Variants in MRGPRF observed in about 807,000 individuals in gnomAD.
The protein encoded by MRGPRF is mas-related G protein-coupled receptor member F.
Under a neutral mutation model 3.3 loss-of-function variants are expected in MRGPRF, and 2 were observed. The ratio of observed to expected loss-of-function variants is 0.61; its 90% CI spans 0.25 to 1.92. The LOEUF is 1.92. MRGPRF is among the 40% of genes most tolerant of loss of function. The probability of loss-of-function intolerance (pLI) is 0.16; values close to 1 mark genes in which losing one functional copy is unlikely to be tolerated. For missense variants in MRGPRF, 500 were observed against 476.0 expected (o/e 1.05, Z -0.47); for synonymous variants, 242 against 222.7 (o/e 1.09, Z -0.77).
chr11:69,008,911 GC>G (rs1376979745), intron 2 of MRGPRF, among the ~76,000 whole-genome samples: 2 of 152,230 alleles, frequency 1.3e-5, no homozygotes, highest in Non-Finnish European at 2.9e-5. Context: ...AGAGGGGGAG[GC>G]CGGGTGAGTC....
rs960415362 is a variant in MRGPRF, at chr11:69,009,825, G to C, written c.48+29C>G. The C allele has an allele frequency of 6.4e-6, 10 of 1,572,354 alleles. No individual in the cohort carries two copies. The African/African-American group carries it at 9.4e-5, about 15-fold the overall frequency. On this transcript the variant is annotated intron_variant, in intron 2 of 2. Coordinates refer to ENST00000309099, the MANE Select transcript of MRGPRF (RefSeq NM_145015.5). ...CTCCCACCCACACCCGTCTGGGCAA[G>C]ACCAGGGCCCTCCGCCTGTGGCACT...
At chr11:69,009,134 G>A (rs1004247755) in intron 2 of MRGPRF, among the ~76,000 whole-genome samples, 2 of 152,222 alleles carry the variant, frequency 1.3e-5, no homozygotes, top group African/African-American at 4.8e-5. Context: ...AGGGCGTGGG[G>A]GTGAGATCCC....
In MRGPRF at chr11:69,005,005, G is replaced by A. The variant is rs894247832; in HGVS notation, c.*273C>T. 2.4e-6 allele frequency: 1 copy of A among 417,206 alleles called. No individual in the cohort carries two copies. Among genetic ancestry groups the A allele is most frequent in the African/African-American group, 2.1e-5 (1 of 48,482 alleles). The allele number at this position is 417,206 out of a possible 1,614,324, so 25.8% of individuals were successfully genotyped here. ...ACCAACCAGCCTAGGGCAAGGAGGG[G>A]CCCCACCACCTGGGGGCAACTTCTG... On this transcript the variant is annotated 3_prime_UTR_variant, in exon 3 of 3. Coordinates refer to ENST00000309099, the MANE Select transcript of MRGPRF (RefSeq NM_145015.5).
intron 2 of MRGPRF, among the ~76,000 whole-genome samples, chr11:69,006,791 T>A (rs1860500972): frequency 6.6e-6 from 1 of 151,920 alleles, no homozygotes; most frequent in South Asian, 2.1e-4. Flanking sequence ...GCCCGGCTAA[T>A]TTTTGTATTT....
rs1007221994 is a variant in MRGPRF at position 69,005,622 on chromosome 11, G to C, written c.688C>G (p.Arg230Gly). The change falls in exon 3 of 3, where the codon CGG becomes GGG. Residue 230 changes from arginine (R) to glycine (G), a missense_variant. Physicochemically the swap from Arg to Gly is moderately radical, Grantham distance 125. Coordinates refer to ENST00000309099, the MANE Select transcript of MRGPRF (RefSeq NM_145015.5). ...TTGAGCTTGGCAGAGCGCTGGCGCCGTCGGGCCCGGCACTCCACGTGCAGG... is the reference window on the plus strand; with the variant it reads ...TTGAGCTTGGCAGAGCGCTGGCGCCCTCGGGCCCGGCACTCCACGTGCAGG... ...LILHVECRAR[R>G]RQRSAKLNHV... 6.4e-7 allele frequency: 1 copy of C among 1,558,332 alleles called. No homozygotes were observed. Among genetic ancestry groups the C allele is most frequent in the Non-Finnish European group, 8.7e-7 (1 of 1,151,476 alleles).
chr11:69,006,759 G>T (rs917532874), intron 2 of MRGPRF, among the ~76,000 whole-genome samples: 1 of 151,938 alleles, frequency 6.6e-6, no homozygotes, highest in Non-Finnish European at 1.5e-5. Flanking sequence ...GAGTAGCTGG[G>T]ACTACGGGCA....
chr11:69,005,164 G>A lies in MRGPRF; in HGVS notation c.*114C>T. The A allele has an allele frequency of 1.5e-6, 2 of 1,317,716 alleles. No individual in the cohort carries two copies. The highest frequency in any genetic ancestry group is 2.0e-6 in the Non-Finnish European group (2 of 996,398). The allele number at this position is 1,317,716 out of a possible 1,614,324, so 81.6% of individuals were successfully genotyped here. Reference sequence around the variant, plus strand: ...CCAGGGAGAAGGAGGCCCGAGGAGAGGAAACAGATCTTTCTTCTCCTGTAT... The same window carrying A: ...CCAGGGAGAAGGAGGCCCGAGGAGAAGAAACAGATCTTTCTTCTCCTGTAT... On this transcript the variant is annotated 3_prime_UTR_variant, in exon 3 of 3. Coordinates refer to ENST00000309099, the MANE Select transcript of MRGPRF (RefSeq NM_145015.5).
At chr11:69,009,589 A>G (rs1200665124) in intron 2 of MRGPRF, 1 of 605,708 alleles carries the variant, frequency 1.7e-6, no homozygotes, top group Admixed American at 2.8e-5. Flanking sequence ...CAAGGATGCT[A>G]CAAGGCGACC....
chr11:69,005,521 C>T lies in MRGPRF; in HGVS notation c.789G>A (p.Trp263Ter), dbSNP rs772083460. The T allele has an allele frequency of 3.2e-6, 5 of 1,580,330 alleles. 1 individual carries two copies. In the South Asian group the frequency reaches 4.6e-5, roughly 15 times the overall value. The change falls in exon 3 of 3, where the codon TGG becomes TGA. Residue 263 changes from tryptophan to a stop codon, truncating the protein, a stop_gained. Coordinates refer to ENST00000309099, the MANE Select transcript of MRGPRF (RefSeq NM_145015.5). LOFTEE classifies it high-confidence loss of function. ...IYLGIDWFLF[W>*]VFQIPAPFPE... ...GGAAGGGGGCCGGGATCTGGAAGAC[C>T]CAGAAGAGGAACCAGTCGATCCCTA...
intron 2 of MRGPRF, among the ~76,000 whole-genome samples, chr11:69,008,250 G>A (rs771699428): frequency 2.0e-5 from 3 of 152,108 alleles, no homozygotes; most frequent in Non-Finnish European, 4.4e-5. Context: ...TCAGCTCTCC[G>A]GCAGTCCTCT....
At chr11:69,007,590 A>G (rs1336915238) in intron 2 of MRGPRF, among the ~76,000 whole-genome samples, 2 of 152,254 alleles carry the variant, frequency 1.3e-5, no homozygotes, top group Non-Finnish European at 2.9e-5. Flanking sequence ...TGAAGGGTTA[A>G]CGATGACTGA....
At chr11:69,006,371 G>A in intron 2 of MRGPRF, 110 bp from the exon 3 acceptor site, 1 of 1,194,108 alleles carries the variant, frequency 8.4e-7, no homozygotes, top group Non-Finnish European at 1.1e-6. Context: ...GGGACTTGGG[G>A]CAGGGAGGGG....
intron 1 of MRGPRF, chr11:69,012,469 G>T (rs571970994): frequency 2.6e-5 from 4 of 152,420 alleles, no homozygotes; most frequent in South Asian, 2.1e-4. Context: ...TGTCTGGGGG[G>T]ACTGAGACCT....
intron 2 of MRGPRF, among the ~76,000 whole-genome samples, chr11:69,009,243 G>A (rs1860545749): frequency 6.6e-6 from 1 of 152,248 alleles, no homozygotes; most frequent in East Asian, 1.9e-4. Flanking sequence ...AAATGCAGAA[G>A]AGGATGGATA....
rs773253762 is a variant in MRGPRF, at chr11:69,005,530, G to A, written c.780C>T (p.Phe260=). 1.3e-6 allele frequency: 2 copies of A among 1,580,464 alleles called. No individual in the cohort carries two copies. Among genetic ancestry groups the A allele is most frequent in the East Asian group, 2.3e-5 (1 of 42,852 alleles). ...VSSIYLGIDW[F]LFWVFQIPAP... ...CCGGGATCTGGAAGACCCAGAAGAG[G>A]AACCAGTCGATCCCTAAGTAGATGG... The change falls in exon 3 of 3, where the codon TTC becomes TTT. Residue 260 remains phenylalanine, a synonymous_variant. Transcript: ENST00000309099.
In MRGPRF at chr11:69,005,251, C is replaced by G. The variant is rs1860445394; in HGVS notation, c.*27G>C. The G allele has an allele frequency of 1.8e-5, 27 of 1,461,196 alleles. No homozygotes were observed. Among genetic ancestry groups the G allele is most frequent in the Non-Finnish European group, 2.3e-5 (26 of 1,112,920 alleles). 90.5% of individuals were successfully genotyped at this position (1,461,196 alleles called of 1,614,324 possible). On this transcript the variant is annotated 3_prime_UTR_variant, in exon 3 of 3. Coordinates refer to ENST00000309099, the MANE Select transcript of MRGPRF (RefSeq NM_145015.5). ...GAAGGGTCTTGGAGGCCGCTTCCTG[C>G]CCCTGCCTCCTCCAGGCGCTGGAGT...
intron 2 of MRGPRF, among the ~76,000 whole-genome samples, chr11:69,008,467 C>T (rs555416842): frequency 6.6e-6 from 1 of 152,190 alleles, no homozygotes; most frequent in Non-Finnish European, 1.5e-5. Context: ...TCCTGAGAGA[C>T]TGTTCTCTGG....
chr11:69,005,849 C>A lies in MRGPRF; in HGVS notation c.461G>T (p.Arg154Leu). Residue 154 changes from arginine (R) to leucine (L), a missense_variant, in exon 3 of 3, where the codon CGG (arginine) becomes CTG (leucine). Physicochemically the swap from Arg to Leu is moderately radical, Grantham distance 102. Transcript: ENST00000309099. Reference protein sequence around the residue: ...SVIFPAWYWRRRPKRLSAVVC... With the variant: ...SVIFPAWYWRLRPKRLSAVVC... The stretch of plus-strand genomic sequence containing the variant: ...CACGGCCGACAGGCGCTTGGGCCGC[C>A]GGCGCCAGTACCAGGCGGGGAAGAT... 6.5e-7 allele frequency: 1 copy of A among 1,541,876 alleles called. No homozygotes were observed.
At chr11:69,007,033 G>C (rs1430070569) in intron 2 of MRGPRF, among the ~76,000 whole-genome samples, 1 of 152,200 alleles carries the variant, frequency 6.6e-6, no homozygotes, top group Non-Finnish European at 1.5e-5. Context: ...TGGGACCACT[G>C]GGGAAATGTG....
Sources: gnomAD v4.1 joint callset for allele counts (sites outside exome capture counted in the v4.1 genomes callset) on GRCh38, gnomAD v4.1.1 for gene constraint, MANE v1.5 for transcripts, NCBI Gene and HGNC (gene_info 2026-07-23, HGNC 2026-07-21) for gene names.